Variants in UGT2A1 observed in about 807,000 individuals in gnomAD.
UGT2A1 encodes the protein UDP glucuronosyltransferase family 2 member A1 complex locus.
A neutral mutation model predicts 45.4 loss-of-function variants in UGT2A1; 61 were observed. The observed-to-expected ratio is 1.34, with a 90% CI of 1.09 to 1.66. UGT2A1 has a LOEUF of 1.66. Among genes scored for constraint, UGT2A1 ranks in the 40% most tolerant of loss-of-function variants. UGT2A1 has a pLI of 0.00. For synonymous variants in UGT2A1, 229 were observed against 196.2 expected (o/e 1.17, Z -1.40); for missense variants, 649 against 574.3 (o/e 1.13, Z -1.33).
intron 4 of UGT2A1, chr4:69,596,129 C>T (rs1718909683): frequency 7.8e-7 from 1 of 1,290,254 alleles, no homozygotes; most frequent in Non-Finnish European, 1.0e-6. Context: ...TTACTTACAA[C>T]TGTTACTAGT....
chr4:69,607,544 G>A (rs1294746862), intron 3 of UGT2A1, among the ~76,000 whole-genome samples: 1 of 151,714 alleles, frequency 6.6e-6, no homozygotes, highest in Non-Finnish European at 1.5e-5. Context: ...AAAAGCAATG[G>A]CAACAAAAGC....
At chr4:69,601,474 T>G (rs1409094556) in intron 3 of UGT2A1, among the ~76,000 whole-genome samples, 1 of 152,142 alleles carries the variant, frequency 6.6e-6, no homozygotes, top group Non-Finnish European at 1.5e-5. Context: ...AAGTGCCACC[T>G]CTTGGCTAGA....
intron 3 of UGT2A1, among the ~76,000 whole-genome samples, chr4:69,603,056 G>C (rs752862860): frequency 1.5e-5 from 2 of 134,340 alleles, no homozygotes; most frequent in African/African-American, 3.0e-5. Flanking sequence ...GACAGAGAGA[G>C]ACTCCATCTA....
In UGT2A1 at chr4:69,647,327, T is replaced by A. The variant is rs767483837; in HGVS notation, c.318A>T (p.Arg106Ser). 10 of 1,613,312 alleles carry A rather than the reference T, an allele frequency of 6.2e-6. No homozygotes were observed. In the South Asian group the frequency reaches 9.9e-5, roughly 16 times the overall value. The change falls in exon 2 of 7, where the codon AGA (arginine) becomes AGT (serine). Residue 106 changes from arginine to serine, a missense_variant. By Grantham distance (110) the Arg-to-Ser change is moderately radical. Coordinates refer to ENST00000286604, the MANE Select transcript of UGT2A1 (RefSeq NM_001252275.3). ...ENRPSPSTIWRFYQEMAKVIK... is the reference protein window; with the variant it reads ...ENRPSPSTIWSFYQEMAKVIK... Reference sequence around the variant, plus strand: ...TTACTTTGGCCATCTCCTGATAGAATCTCCAAATGGTTGAAGGAGATGGTC... The same window carrying A: ...TTACTTTGGCCATCTCCTGATAGAAACTCCAAATGGTTGAAGGAGATGGTC...
intron 3 of UGT2A1, among the ~76,000 whole-genome samples, chr4:69,600,337 C>T (rs192589286): frequency 6.7e-4 from 102 of 152,306 alleles, no homozygotes; most frequent in Admixed American, 1.6e-3. Context: ...AAAGTCACTC[C>T]TAATCCTATA....
intron 2 of UGT2A1, among the ~76,000 whole-genome samples, chr4:69,637,797 C>T (rs1721794726): frequency 6.6e-6 from 1 of 151,946 alleles, no homozygotes; most frequent in South Asian, 2.1e-4. Context: ...ATTCCTACCA[C>T]TTAGACAAGT....
intron 3 of UGT2A1, 57 bp from the exon 4 acceptor site, chr4:69,599,451 G>GA (rs1014011615): frequency 2.5e-5 from 40 of 1,572,450 alleles, no homozygotes; most frequent in Middle Eastern, 1.7e-4. Context: ...TTGCTGAGGA[G>GA]AAAAAAAAGC....
At chr4:69,595,891 C>G (rs546629974) in intron 4 of UGT2A1, among the ~76,000 whole-genome samples, 2 of 152,272 alleles carry the variant, frequency 1.3e-5, no homozygotes, top group African/African-American at 4.8e-5. Context: ...TGTTTACACT[C>G]TCTTTTCCTG....
At chr4:69,639,481 G>C in intron 2 of UGT2A1, 1 of 1,613,082 alleles carries the variant, frequency 6.2e-7, no homozygotes, top group South Asian at 1.1e-5. Flanking sequence ...TGATTTCTTT[G>C]AATCAACTCT....
At chr4:69,589,778 G>C in intron 6 of UGT2A1, 127 bp from the exon 7 acceptor site, 3 of 1,345,088 alleles carry the variant, frequency 2.2e-6, no homozygotes, top group Non-Finnish European at 3.0e-6. Flanking sequence ...TATAATTCTT[G>C]CATGAACTTT....
intron 3 of UGT2A1, among the ~76,000 whole-genome samples, chr4:69,627,577 A>G (rs1254801206): frequency 6.7e-6 from 1 of 148,718 alleles, no homozygotes; most frequent in Non-Finnish European, 1.5e-5. Flanking sequence ...AAAGAAAGAG[A>G]GAAAGAAAAA....
intron 1 of UGT2A1, among the ~76,000 whole-genome samples, chr4:69,649,726 T>C (rs1722435483): frequency 6.6e-6 from 1 of 152,076 alleles, no homozygotes; most frequent in East Asian, 1.9e-4. Flanking sequence ...TCAGTGAGCA[T>C]GTTTCTTTCC....
chr4:69,619,019 A>G (rs1720582145), intron 3 of UGT2A1, among the ~76,000 whole-genome samples: 1 of 151,884 alleles, frequency 6.6e-6, no homozygotes, highest in Non-Finnish European at 1.5e-5. Context: ...AAAAAGTTAT[A>G]TATTATACAA....
intron 3 of UGT2A1, among the ~76,000 whole-genome samples, chr4:69,630,578 G>T (rs1485636329): frequency 6.6e-6 from 1 of 152,010 alleles, no homozygotes; most frequent in Non-Finnish European, 1.5e-5. Flanking sequence ...AAGTAGAAAA[G>T]GGTCATAAAC....
chr4:69,614,106 A>G (rs577085980), intron 3 of UGT2A1, among the ~76,000 whole-genome samples: 1 of 147,560 alleles, frequency 6.8e-6, no homozygotes, highest in Non-Finnish European at 1.5e-5. Context: ...AACTGTTTTA[A>G]GCTGATAAAC....
At chr4:69,636,556 A>G (rs1721722463) in intron 2 of UGT2A1, among the ~76,000 whole-genome samples, 1 of 152,162 alleles carries the variant, frequency 6.6e-6, no homozygotes, top group Non-Finnish European at 1.5e-5. Context: ...TGAGAAGTTG[A>G]GAACTTGCTG....
rs1428201355 is a variant in UGT2A1, at chr4:69,594,518, C to T, written c.1263G>A (p.Val421=). The change falls in exon 6 of 7, where the codon GTG becomes GTA. Residue 421 remains valine, a synonymous_variant. Coordinates refer to ENST00000286604, the MANE Select transcript of UGT2A1 (RefSeq NM_001252275.3). ...VEVNLNTMTS[V]DLLSALRTVI... ...CTGTTCTCAAAGCGCTAAGCAAATC[C>T]ACACTTGTCATTGTGTTTAGGTTCA... 2.5e-6 allele frequency: 4 copies of T among 1,614,118 alleles called. No individual in the cohort carries two copies. The highest frequency in any genetic ancestry group is 1.7e-5 in the Admixed American group (1 of 60,008).
intron 3 of UGT2A1, among the ~76,000 whole-genome samples, chr4:69,621,164 C>G (rs1276945640): frequency 6.6e-6 from 1 of 151,964 alleles, no homozygotes; most frequent in Non-Finnish European, 1.5e-5. Context: ...TCTAATTAAA[C>G]TTAAGAGCTT....
At position 69,647,470 on chromosome 4, in the gene UGT2A1, G is replaced by A; in HGVS notation, c.175C>T (p.Leu59Phe). Residue 59 changes from leucine (L) to phenylalanine (F), a missense_variant, in exon 2 of 7, where the codon CTT becomes TTT. Transcript: ENST00000286604. ...GGGTTAGAGGTTGGTGTGATGAAAA[G>A]TGCACCAGAGGCAACTAGGACAGTC... ...NVTVLVASGA[L>F]FITPTSNPSL... 2 of 1,613,012 alleles carry A rather than the reference G, an allele frequency of 1.2e-6. No homozygotes were observed. Among genetic ancestry groups the A allele is most frequent in the Admixed American group, 1.7e-5 (1 of 59,880 alleles).
Sources: allele counts gnomAD v4.1 joint callset (sites outside exome capture counted in the v4.1 genomes callset), GRCh38; gene constraint gnomAD v4.1.1; transcripts MANE v1.5; gene names NCBI Gene and HGNC (gene_info 2026-07-23, HGNC 2026-07-21).